Variants in ERBB4 observed in about 807,000 individuals in gnomAD.
ERBB4 encodes receptor tyrosine-protein kinase erbB-4.
In ERBB4, 42 loss-of-function variants were observed where a neutral mutation model predicts 158.0. The observed-to-expected ratio is 0.27, with a 90% confidence interval of 0.21 to 0.34. The LOEUF is 0.34. Ranked by LOEUF, ERBB4 falls within the 10% of genes least tolerant of loss-of-function variation. The probability of loss-of-function intolerance (pLI) is 1.00; values close to 1 mark genes in which losing one functional copy is unlikely to be tolerated. For missense variants in ERBB4, 1,333 were observed against 1,624.1 expected (o/e 0.82, Z 3.08); for synonymous variants, 583 against 558.7 (o/e 1.04, Z -0.61).
At chr2:212,179,641 T>C (rs2081792685) in intron 1 of ERBB4, among the ~76,000 whole-genome samples, 1 of 151,628 alleles carries the variant, frequency 6.6e-6, no homozygotes, top group Admixed American at 6.6e-5. Context: ...AATGATGATT[T>C]ATTTTAATTT....
At chr2:211,660,592 T>C (rs1574941724) in intron 15 of ERBB4, among the ~76,000 whole-genome samples, 1 of 152,202 alleles carries the variant, frequency 6.6e-6, no homozygotes. Flanking sequence ...AGTATGGCTG[T>C]CCTACATCTA....
At chr2:211,746,784 C>G (rs1018897424) in intron 5 of ERBB4, among the ~76,000 whole-genome samples, 1 of 149,064 alleles carries the variant, frequency 6.7e-6, no homozygotes, top group African/African-American at 2.5e-5. Context: ...GAGCCGAGAT[C>G]GCACCACCGC....
rs6738304 is a variant in ERBB4 at position 212,124,583 on chromosome 2, T to C, written c.234+169A>G. The C allele has an allele frequency of 0.54, 370,683 of 691,768 alleles. 103,836 individuals carry two copies. The highest frequency in any genetic ancestry group is 0.58 in the Non-Finnish European group (232,966 of 399,978). 42.9% of individuals were successfully genotyped at this position (691,768 alleles called of 1,614,324 possible). A position where few individuals can be genotyped will look rare whatever the true frequency, so the allele number is the denominator to read the frequency against. ...GCGTCAGTCATTATGGCTTTGTTAC[T>C]CTTGTTCTTTTCCTGGGTGCGTTTC... On this transcript the variant is annotated intron_variant, in intron 2 of 27. Transcript: ENST00000342788.
At chr2:212,273,733 C>G (rs889807001) in intron 1 of ERBB4, among the ~76,000 whole-genome samples, 1 of 151,708 alleles carries the variant, frequency 6.6e-6, no homozygotes, top group African/African-American at 2.4e-5. Context: ...TGGTTTCCTT[C>G]ACATATATGT....
intron 1 of ERBB4, among the ~76,000 whole-genome samples, chr2:212,524,872 A>T (rs1415940802): frequency 6.6e-6 from 1 of 152,196 alleles, no homozygotes; most frequent in East Asian, 1.9e-4. Context: ...TATTTACAGT[A>T]TTTAGTGACC....
rs536755970 is a variant in ERBB4, at chr2:211,956,016, C to T, written c.235-8400G>A. 4.8e-5 allele frequency among the ~76,000 whole-genome samples: 7 copies of T among 146,318 alleles called. No homozygotes were observed. The South Asian group carries it at 1.1e-3, about 23-fold the overall frequency. ...TCAAAAAATTCATAAGTTGAAGATT[C>T]TATCATCTCTAAAGTGTGTGTGTGT... On this transcript the variant is annotated intron_variant, in intron 2 of 27. Transcript: ENST00000342788.
At chr2:212,270,495 G>C (rs1408939984) in intron 1 of ERBB4, among the ~76,000 whole-genome samples, 1 of 151,582 alleles carries the variant, frequency 6.6e-6, no homozygotes, top group African/African-American at 2.4e-5. Context: ...ATTCAACATT[G>C]TTGGTAATTC....
intron 16 of ERBB4, among the ~76,000 whole-genome samples, chr2:211,655,035 T>C (rs2071158555): frequency 6.6e-6 from 1 of 152,188 alleles, no homozygotes; most frequent in Non-Finnish European, 1.5e-5. Context: ...TATAACAAGA[T>C]ACACTATGAT....
intron 21 of ERBB4, 123 bp from the exon 22 acceptor site, chr2:211,428,606 A>ATAAC: frequency 1.9e-6 from 1 of 513,162 alleles, no homozygotes; most frequent in Non-Finnish European, 3.5e-6. Flanking sequence ...GTGTATAGAT[A>ATAAC]TAACTATAAC....
chr2:211,606,213 C>T (rs1191229846), intron 19 of ERBB4, among the ~76,000 whole-genome samples: 1 of 152,036 alleles, frequency 6.6e-6, no homozygotes, highest in African/African-American at 2.4e-5. Flanking sequence ...GCTTCATTTT[C>T]AGTTAGAAAA....
At chr2:211,488,158 C>T (rs1220296807) in intron 20 of ERBB4, among the ~76,000 whole-genome samples, 1 of 151,994 alleles carries the variant, frequency 6.6e-6, no homozygotes, top group Non-Finnish European at 1.5e-5. Context: ...TAAACAAACC[C>T]AGCAATGTGA....
At chr2:211,869,225 G>T (rs1032530742) in intron 3 of ERBB4, among the ~76,000 whole-genome samples, 1 of 152,164 alleles carries the variant, frequency 6.6e-6, no homozygotes. Context: ...AGGCTCTGAA[G>T]CCAGATGGCC....
chr2:212,160,766 C>T (rs1057177259), intron 1 of ERBB4, among the ~76,000 whole-genome samples: 1 of 152,018 alleles, frequency 6.6e-6, no homozygotes, highest in African/African-American at 2.4e-5. Flanking sequence ...CTATTTCCTA[C>T]CAAAGCCTAA....
intron 20 of ERBB4, among the ~76,000 whole-genome samples, chr2:211,487,996 G>A (rs1317461975): frequency 1.3e-5 from 2 of 151,926 alleles, no homozygotes; most frequent in East Asian, 3.9e-4. Context: ...GAGTAATTAA[G>A]AAATGTCAGT....
chr2:212,258,098 T>C (rs2106075173), intron 1 of ERBB4, among the ~76,000 whole-genome samples: 1 of 152,262 alleles, frequency 6.6e-6, no homozygotes, highest in Non-Finnish European at 1.5e-5. Context: ...TATAGGAATG[T>C]CAGTTTCAAC....
intron 25 of ERBB4, among the ~76,000 whole-genome samples, chr2:211,392,348 C>A (rs1403187771): frequency 6.6e-6 from 1 of 151,996 alleles, no homozygotes; most frequent in Non-Finnish European, 1.5e-5. Context: ...ACAGGGCAAT[C>A]AGAAGGAAAC....
intron 25 of ERBB4, among the ~76,000 whole-genome samples, chr2:211,416,426 C>T (rs974155212): frequency 3.3e-5 from 5 of 152,078 alleles, no homozygotes; most frequent in South Asian, 2.1e-4. Context: ...AAAAGAAGGC[C>T]GCAATGGAAA....
chr2:212,242,392 C>T (rs1192841934), intron 1 of ERBB4, among the ~76,000 whole-genome samples: 1 of 152,004 alleles, frequency 6.6e-6, no homozygotes, highest in East Asian at 1.9e-4. Context: ...ACATGTACAA[C>T]TTTACACAGT....
At chr2:211,650,510 T>C (rs2070942871) in intron 16 of ERBB4, among the ~76,000 whole-genome samples, 1 of 152,118 alleles carries the variant, frequency 6.6e-6, no homozygotes, top group South Asian at 2.1e-4. Context: ...GGCAAACAGA[T>C]GTTTTTCCTC....
Sources: allele counts gnomAD v4.1 joint callset (sites outside exome capture counted in the v4.1 genomes callset), GRCh38; gene constraint gnomAD v4.1.1; transcripts MANE v1.5; gene names NCBI Gene and HGNC (gene_info 2026-07-23, HGNC 2026-07-21).